The following ATXN1 variants were observed in gnomAD, a reference collection of about 807,000 sequenced individuals.
ATXN1 encodes ataxin 1.
In ATXN1, 8 loss-of-function variants were observed where a neutral mutation model predicts 56.4. The ratio of observed to expected loss-of-function variants is 0.14; its 90% CI spans 0.08 to 0.26. The LOEUF is 0.26. ATXN1 is among the 10% of genes least tolerant of loss of function. The pLI, the probability that ATXN1 is intolerant of heterozygous loss-of-function variation, is 1.00. For synonymous variants in ATXN1, 514 were observed against 494.6 expected, an observed-to-expected ratio of 1.04 and a Z score of -0.52; for missense variants, 987 against 1,106.5, an observed-to-expected ratio of 0.89 and a Z score of 1.53.
At chr6:16,403,242 G>A (rs761133569) in intron 6 of ATXN1, among the ~76,000 whole-genome samples, 5 of 152,214 alleles carry the variant, frequency 3.3e-5, no homozygotes, top group South Asian at 2.1e-4. Context: ...TCACCTTCAC[G>A]CCAGAATCAC....
intron 1 of ATXN1, among the ~76,000 whole-genome samples, chr6:16,755,726 A>AG (rs1186493125): frequency 1.3e-5 from 2 of 152,080 alleles, no homozygotes; most frequent in East Asian, 3.8e-4. Flanking sequence ...TGTAAAAAAA[A>AG]AAAAAAAGAG....
intron 4 of ATXN1, among the ~76,000 whole-genome samples, chr6:16,570,492 C>G (rs2113749695): frequency 6.6e-6 from 1 of 152,232 alleles, no homozygotes; most frequent in Non-Finnish European, 1.5e-5. Context: ...CAAGTAGGAC[C>G]CACGTAGATT....
chr6:16,691,258 T>G (rs1312412858), intron 2 of ATXN1, among the ~76,000 whole-genome samples: 1 of 152,260 alleles, frequency 6.6e-6, no homozygotes. Context: ...GGAGGAGCTC[T>G]GTCTGTCTTG....
At chr6:16,447,598 C>T (rs1166159700) in intron 6 of ATXN1, among the ~76,000 whole-genome samples, 1 of 152,116 alleles carries the variant, frequency 6.6e-6, no homozygotes, top group Non-Finnish European at 1.5e-5. Flanking sequence ...GTCAAGTGAT[C>T]CTCCCACCTC....
chr6:16,371,374 A>G (rs1029493825), intron 6 of ATXN1, among the ~76,000 whole-genome samples: 2 of 151,846 alleles, frequency 1.3e-5, no homozygotes, highest in Non-Finnish European at 2.9e-5. Flanking sequence ...AAGCATGTGA[A>G]TGAGTGAGGA....
chr6:16,470,042 G>A (rs1343322206), intron 6 of ATXN1, among the ~76,000 whole-genome samples: 1 of 151,972 alleles, frequency 6.6e-6, no homozygotes, highest in Non-Finnish European at 1.5e-5. Flanking sequence ...CATATCCATA[G>A]CAGCATTATT....
At chr6:16,656,816 T>G (rs890659738) in intron 3 of ATXN1, among the ~76,000 whole-genome samples, 1 of 152,102 alleles carries the variant, frequency 6.6e-6, no homozygotes, top group Non-Finnish European at 1.5e-5. Flanking sequence ...TACACCCTAC[T>G]ACACGCCTGC....
chr6:16,716,050 C>A (rs948004565), intron 2 of ATXN1, among the ~76,000 whole-genome samples: 1 of 152,164 alleles, frequency 6.6e-6, no homozygotes, highest in Non-Finnish European at 1.5e-5. Context: ...CCTGACAACA[C>A]CCCCACCCAC....
At chr6:16,649,247 CT>C (rs1763854145) in intron 3 of ATXN1, among the ~76,000 whole-genome samples, 1 of 151,342 alleles carries the variant, frequency 6.6e-6, no homozygotes. Context: ...ATTTTTTTCT[CT>C]TTTGGTATTT....
At chr6:16,574,891 C>T (rs1212217392) in intron 4 of ATXN1, among the ~76,000 whole-genome samples, 2 of 150,092 alleles carry the variant, frequency 1.3e-5, no homozygotes, top group African/African-American at 2.5e-5. Context: ...TTAGTTTCTG[C>T]TAATCTGTGA....
chr6:16,564,955 C>A (rs762033073), intron 4 of ATXN1, among the ~76,000 whole-genome samples: 2 of 152,016 alleles, frequency 1.3e-5, no homozygotes, highest in South Asian at 2.1e-4. Flanking sequence ...ATACTGTACA[C>A]GGAATACAGA....
intron 4 of ATXN1, among the ~76,000 whole-genome samples, chr6:16,548,876 T>C (rs545973624): frequency 9.9e-4 from 151 of 152,286 alleles, no homozygotes; most frequent in Non-Finnish European, 1.9e-3. Context: ...TGAGCAGAGA[T>C]TGCACCACTG....
At chr6:16,339,137 G>A (rs992262991) in intron 6 of ATXN1, among the ~76,000 whole-genome samples, 2 of 152,058 alleles carry the variant, frequency 1.3e-5, no homozygotes, top group Non-Finnish European at 2.9e-5. Context: ...CTGTCTACCC[G>A]CACACACACT....
In ATXN1 at chr6:16,543,632, TAAAAAAAAA is replaced by T. The variant is rs566914364; in HGVS notation, c.-360-20953_-360-20945del. Among the ~76,000 whole-genome samples, 4 of 106,378 alleles carry T rather than the reference TAAAAAAAAA, an allele frequency of 3.8e-5. No individual in the cohort carries two copies. The East Asian group carries it at 8.2e-4, about 22-fold the overall frequency. The allele number at this position is 106,378 out of a possible 152,430, so 69.8% of individuals were successfully genotyped here. A position where few individuals can be genotyped will look rare whatever the true frequency, so the allele number is the denominator to read the frequency against. ...ACCACTACCATTTCAGCTATTTTCC[TAAAAAAAAA>T]AAAAAAAAAAAAGAGAGAGAGAGAG... On this transcript the variant is annotated intron_variant, in intron 4 of 7. Coordinates refer to ENST00000436367, the MANE Select transcript of ATXN1 (RefSeq NM_001128164.2).
chr6:16,378,066 T>TA (rs998152010), intron 6 of ATXN1, among the ~76,000 whole-genome samples: 9 of 152,216 alleles, frequency 5.9e-5, no homozygotes, highest in African/African-American at 2.2e-4. Flanking sequence ...GGCTCGTTCA[T>TA]ATCCTCCTGG....
Position 16,662,390 on chromosome 6 carries a change from T to C in ATXN1, c.-614-4489A>G, listed in dbSNP as rs1171971568. Among the ~76,000 whole-genome samples, 7 of 152,154 alleles carry C rather than the reference T, an allele frequency of 4.6e-5. No homozygotes were observed. The South Asian group carries it at 8.3e-4, about 18-fold the overall frequency. On this transcript the variant is annotated intron_variant, in intron 2 of 7. Coordinates refer to ENST00000436367, the MANE Select transcript of ATXN1 (RefSeq NM_001128164.2). ...TCTTGTTGCCCAGGCTGGAGTACAA[T>C]GGTGTGGTCTCAGCTCACTGCAACC...
At chr6:16,533,973 C>G (rs909871921) in intron 4 of ATXN1, among the ~76,000 whole-genome samples, 2 of 152,078 alleles carry the variant, frequency 1.3e-5, no homozygotes, top group African/African-American at 4.8e-5. Flanking sequence ...AACGTTGAGT[C>G]ATGGTTTCTC....
At chr6:16,604,025 G>A (rs1762957531) in intron 3 of ATXN1, among the ~76,000 whole-genome samples, 1 of 152,132 alleles carries the variant, frequency 6.6e-6, no homozygotes, top group African/African-American at 2.4e-5. Flanking sequence ...GAACTGATGG[G>A]AATGACCATG....
intron 2 of ATXN1, among the ~76,000 whole-genome samples, chr6:16,706,136 C>T (rs1487066752): frequency 1.3e-5 from 2 of 152,126 alleles, no homozygotes; most frequent in African/African-American, 2.4e-5. Flanking sequence ...CTGAACAACT[C>T]CTCATTCTGA....
Sources: gnomAD v4.1 joint callset for allele counts (sites outside exome capture counted in the v4.1 genomes callset) on GRCh38, gnomAD v4.1.1 for gene constraint, MANE v1.5 for transcripts, NCBI Gene and HGNC (gene_info 2026-07-23, HGNC 2026-07-21) for gene names.